Variants in SAXO1 observed in about 807,000 individuals in gnomAD.
SAXO1 encodes stabilizer of axonemal microtubules 1.
A neutral mutation model predicts 17.5 loss-of-function variants in SAXO1; 21 were observed. The ratio of observed to expected loss-of-function variants is 1.20; its 90% CI spans 0.85 to 1.72. SAXO1 has a LOEUF of 1.72. Ranked by LOEUF, SAXO1 falls within the 40% of genes most tolerant of loss-of-function variation. SAXO1 has a pLI of 0.00. For synonymous variants in SAXO1, 274 were observed against 216.5 expected, an observed-to-expected ratio of 1.27 and a Z score of -2.33; for missense variants, 843 against 596.0, an observed-to-expected ratio of 1.41 and a Z score of -4.32.
intron 1 of SAXO1, among the ~76,000 whole-genome samples, chr9:19,017,888 C>T (rs1232823265): frequency 5.9e-5 from 9 of 152,350 alleles, no homozygotes; most frequent in Non-Finnish European, 1.3e-4. Context: ...ATGGAACTGG[C>T]TGTGCACAGT....
intron 2 of SAXO1, among the ~76,000 whole-genome samples, chr9:18,949,461 A>G (rs7851358): frequency 0.14 from 21,294 of 152,092 alleles, 3,034 homozygotes; most frequent in African/African-American, 0.36. Context: ...TGTTTTAAAA[A>G]AAAAATTTTT....
intron 1 of SAXO1, among the ~76,000 whole-genome samples, chr9:19,019,025 C>G (rs961695034): frequency 2.6e-5 from 4 of 151,888 alleles, no homozygotes; most frequent in African/African-American, 9.7e-5. Context: ...AGGATAATCA[C>G]TTGAATTTGG....
chr9:18,936,755 T>TA (rs777501271), intron 3 of SAXO1, among the ~76,000 whole-genome samples: 6 of 152,118 alleles, frequency 3.9e-5, no homozygotes, highest in Non-Finnish European at 7.4e-5. Flanking sequence ...AATGTGCCTT[T>TA]AAAAAAACAG....
chr9:18,946,804 G>T (rs1231022547), intron 2 of SAXO1, among the ~76,000 whole-genome samples: 1 of 152,062 alleles, frequency 6.6e-6, no homozygotes, highest in Non-Finnish European at 1.5e-5. Flanking sequence ...AAAATAAATA[G>T]AAACTATATA....
At chr9:18,942,450 G>A (rs1026052763) in intron 2 of SAXO1, among the ~76,000 whole-genome samples, 9 of 151,992 alleles carry the variant, frequency 5.9e-5, no homozygotes, top group Admixed American at 4.6e-4. Context: ...CCTTCACTGC[G>A]GAGGTATCTT....
At chr9:19,033,853 T>G (rs986578538), upstream of SAXO1, among the ~76,000 whole-genome samples, 6 of 152,204 alleles carry the variant, frequency 3.9e-5, no homozygotes, top group Non-Finnish European at 8.8e-5. Flanking sequence ...CTTGCATTTC[T>G]TACAAGCTCT....
chr9:18,940,139 G>C (rs1348236272), intron 3 of SAXO1, among the ~76,000 whole-genome samples: 10 of 152,228 alleles, frequency 6.6e-5, no homozygotes. Context: ...CTGGTGGTAA[G>C]AGGGAGGATT....
chr9:18,955,643 TA>T (rs1238899407), intron 1 of SAXO1, among the ~76,000 whole-genome samples: 1 of 152,248 alleles, frequency 6.6e-6, no homozygotes, highest in Non-Finnish European at 1.5e-5. Context: ...CTAAAACAAA[TA>T]ACAAATAAAG....
At chr9:19,038,292 A>G (rs571151473) in intron 1 of SAXO1, among the ~76,000 whole-genome samples, 21 of 152,300 alleles carry the variant, frequency 1.4e-4, no homozygotes, top group African/African-American at 4.8e-4. Context: ...ATGCTGCTAT[A>G]AAGACACATG....
intron 2 of SAXO1, among the ~76,000 whole-genome samples, chr9:18,945,287 C>G (rs946494254): frequency 6.6e-6 from 1 of 152,214 alleles, no homozygotes; most frequent in African/African-American, 2.4e-5. Flanking sequence ...ACCGCTGCTT[C>G]TCAACCTTAT....
chr9:18,977,450 T>C (rs974461914), intron 1 of SAXO1, among the ~76,000 whole-genome samples: 1 of 152,176 alleles, frequency 6.6e-6, no homozygotes, highest in Non-Finnish European at 1.5e-5. Flanking sequence ...CTCATCTACA[T>C]AGGAGGTGTC....
chr9:18,927,936 G>A lies in SAXO1; in HGVS notation c.*116C>T. ...ATTCAAGTGCTCTGGAAGTGGTGAA[G>A]GTTTTTTGTTTTTTGTTTTTTGTCA... On this transcript the variant is annotated 3_prime_UTR_variant, in exon 4 of 4. Transcript: ENST00000380534. The A allele has an allele frequency of 4.2e-6, 5 of 1,199,110 alleles. No homozygotes were observed. The highest frequency in any genetic ancestry group is 3.4e-5 in the South Asian group (2 of 58,234). 74.3% of individuals were successfully genotyped at this position (1,199,110 alleles called of 1,614,324 possible). A position where few individuals can be genotyped will look rare whatever the true frequency, so the allele number is the denominator to read the frequency against.
At chr9:18,934,256 T>C (rs910951789) in intron 3 of SAXO1, among the ~76,000 whole-genome samples, 2 of 152,180 alleles carry the variant, frequency 1.3e-5, no homozygotes, top group Non-Finnish European at 2.9e-5. Context: ...CTTTCAGCCA[T>C]TAATCTATCA....
At chr9:18,988,230 G>A (rs1833672620) in intron 1 of SAXO1, among the ~76,000 whole-genome samples, 1 of 152,204 alleles carries the variant, frequency 6.6e-6, no homozygotes, top group Non-Finnish European at 1.5e-5. Flanking sequence ...ATTTATCAGT[G>A]ATAAAGAGCA....
chr9:18,958,100 C>T lies in SAXO1; in HGVS notation c.39-7163G>A, dbSNP rs536839406. On this transcript the variant is annotated intron_variant, in intron 1 of 3. Coordinates refer to ENST00000380534, the MANE Select transcript of SAXO1 (RefSeq NM_153707.4). The stretch of plus-strand genomic sequence containing the variant: ...GAATAACTCCAGCTTATACTCCACT[C>T]ATGGTGCCAGTGAAATGATCAGGGA... Among the ~76,000 whole-genome samples the T allele has an allele frequency of 1.5e-4, 23 of 152,260 alleles. No homozygotes were observed. In the South Asian group the frequency reaches 4.1e-3, roughly 27 times the overall value.
At chr9:19,010,488 A>G (rs1395762696) in intron 1 of SAXO1, among the ~76,000 whole-genome samples, 4 of 152,138 alleles carry the variant, frequency 2.6e-5, no homozygotes, top group African/African-American at 9.7e-5. Flanking sequence ...GAAAAAAAAA[A>G]AAGAAACCCT....
At chr9:19,027,322 T>C in intron 1 of SAXO1, 1 of 804,156 alleles carries the variant, frequency 1.2e-6, no homozygotes, top group Non-Finnish European at 2.3e-6. Context: ...TCCTATCCAA[T>C]CCTGGAGACA....
At chr9:18,968,740 C>T (rs748135081) in intron 1 of SAXO1, among the ~76,000 whole-genome samples, 26 of 152,004 alleles carry the variant, frequency 1.7e-4, no homozygotes, top group Non-Finnish European at 3.2e-4. Flanking sequence ...ATTACAGGCA[C>T]ACGCCACTAC....
chr9:19,009,831 C>T (rs1272860421), intron 1 of SAXO1, among the ~76,000 whole-genome samples: 11 of 146,148 alleles, frequency 7.5e-5, no homozygotes, highest in South Asian at 2.2e-4. Context: ...TTGGGGTTTT[C>T]TTTTTTTTTT....
Sources: gnomAD v4.1 joint callset for allele counts (sites outside exome capture counted in the v4.1 genomes callset) on GRCh38, gnomAD v4.1.1 for gene constraint, MANE v1.5 for transcripts, NCBI Gene and HGNC (gene_info 2026-07-23, HGNC 2026-07-21) for gene names.